Variants in TTC7B observed in about 807,000 individuals in gnomAD.
The protein encoded by TTC7B is tetratricopeptide repeat domain 7B.
In TTC7B, 28 loss-of-function variants were observed where a neutral mutation model predicts 106.8. The ratio of observed to expected loss-of-function variants is 0.26; its 90% CI spans 0.19 to 0.36. The LOEUF (loss-of-function observed/expected upper bound fraction) is 0.36. Ranked by LOEUF, TTC7B falls within the 10% of genes least tolerant of loss-of-function variation. TTC7B has a pLI of 1.00. For synonymous variants in TTC7B, 405 were observed against 430.6 expected, an observed-to-expected ratio of 0.94 and a Z score of 0.74; for missense variants, 862 against 1,076.4, an observed-to-expected ratio of 0.80 and a Z score of 2.79.
chr14:90,606,168 T>C (rs752470161), intron 17 of TTC7B, among the ~76,000 whole-genome samples: 8 of 152,248 alleles, frequency 5.3e-5, no homozygotes, highest in Admixed American at 3.3e-4. Flanking sequence ...TACAGTTTAC[T>C]TGAAAATAAG....
At position 90,780,698 on chromosome 14, in the gene TTC7B, C is replaced by T. The variant is rs781252368; in HGVS notation, c.445+40G>A. 7 of 1,591,526 alleles carry T rather than the reference C, an allele frequency of 4.4e-6. No homozygotes were observed. The South Asian group carries it at 4.5e-5, about 10-fold the overall frequency. ...CAGCTCCGAAGAGGCGCTGCTGGCT[C>T]CAGGTCACGGGACACTGTGTTAGAA... On this transcript the variant is annotated intron_variant, in intron 3 of 19. Coordinates refer to ENST00000328459, the MANE Select transcript of TTC7B (RefSeq NM_001010854.2).
intron 3 of TTC7B, among the ~76,000 whole-genome samples, chr14:90,777,299 T>C (rs1891064199): frequency 6.6e-6 from 1 of 152,162 alleles, no homozygotes; most frequent in African/African-American, 2.4e-5. Flanking sequence ...GCATCACACC[T>C]GGCACGCAGG....
intron 9 of TTC7B, among the ~76,000 whole-genome samples, chr14:90,659,094 G>A (rs542557064): frequency 1.2e-3 from 176 of 152,290 alleles, no homozygotes; most frequent in African/African-American, 4.1e-3. Flanking sequence ...CAGCAAGGAT[G>A]GGTCACCTGT....
At chr14:90,775,646 G>A (rs568761681) in intron 3 of TTC7B, among the ~76,000 whole-genome samples, 34 of 152,110 alleles carry the variant, frequency 2.2e-4, no homozygotes, top group Non-Finnish European at 3.8e-4. Context: ...TACTCAGCTT[G>A]ACGGAAAAAT....
intron 1 of TTC7B, among the ~76,000 whole-genome samples, chr14:90,799,006 C>A (rs1273070051): frequency 6.6e-6 from 1 of 152,146 alleles, no homozygotes; most frequent in Non-Finnish European, 1.5e-5. Flanking sequence ...ATTCTGGCCA[C>A]CCCAGAGGGG....
Position 90,525,399 on chromosome 14 carries a change from G to A in TTC7B, c.*15969C>T, listed in dbSNP as rs1470962719. On this transcript the variant is annotated 3_prime_UTR_variant, in exon 20 of 20. Transcript: ENST00000328459. ...TATAAACATTTGCGGAGAAGTCTTTGTATTTGAGGGGACTGCAGGGAGGCC... is the reference window on the plus strand; with the variant it reads ...TATAAACATTTGCGGAGAAGTCTTTATATTTGAGGGGACTGCAGGGAGGCC... 1 of 151,816 alleles carries A rather than the reference G, an allele frequency of 6.6e-6. No homozygotes were observed. Among genetic ancestry groups the A allele is most frequent in the Non-Finnish European group, 1.5e-5 (1 of 67,986 alleles). 9.4% of individuals were successfully genotyped at this position (151,816 alleles called of 1,614,324 possible).
chr14:90,580,804 T>C (rs1891456977), intron 18 of TTC7B, among the ~76,000 whole-genome samples: 1 of 152,152 alleles, frequency 6.6e-6, no homozygotes, highest in African/African-American at 2.4e-5. Context: ...CAGGTCCCTG[T>C]AAGTATTTTT....
intron 19 of TTC7B, among the ~76,000 whole-genome samples, chr14:90,555,679 G>A (rs1890271590): frequency 6.6e-6 from 1 of 152,182 alleles, no homozygotes; most frequent in Non-Finnish European, 1.5e-5. Context: ...GTGATTTTGC[G>A]AGTCAGGAAA....
intron 1 of TTC7B, among the ~76,000 whole-genome samples, chr14:90,791,984 G>A (rs527839566): frequency 2.0e-5 from 3 of 152,240 alleles, no homozygotes; most frequent in Admixed American, 6.5e-5. Context: ...CTCCTATCTG[G>A]AAACACCCCA....
Position 90,658,319 on chromosome 14 carries a change from C to T in TTC7B, c.1221G>A (p.Leu407=). Residue 407 remains leucine (L), a synonymous_variant, in exon 10 of 20, where the codon CTG becomes CTA. Transcript: ENST00000328459. ...AGGGACTCACTTTTCCAGCAGCCAT[C>T]AGGGACAGAGCAAACTGGTACCACA... ...FHLWYQFALS[L]MAAGKSARAV... is the part of the protein sequence containing the mutation. The T allele has an allele frequency of 6.2e-7, 1 of 1,613,996 alleles. No homozygotes were observed. Among genetic ancestry groups the T allele is most frequent in the Non-Finnish European group, 8.5e-7 (1 of 1,179,898 alleles).
At position 90,656,628 on chromosome 14, in the gene TTC7B, C is replaced by T. The variant is rs182029038; in HGVS notation, c.1341+546G>A. On this transcript the variant is annotated intron_variant, in intron 11 of 19. Coordinates refer to ENST00000328459, the MANE Select transcript of TTC7B (RefSeq NM_001010854.2). The stretch of plus-strand genomic sequence containing the variant: ...GCAACAGAGTAAGACCCTGTCTCTA[C>T]AAAAAAATTAAAAAATTAGCCGGGT... 6.4e-3 allele frequency among the ~76,000 whole-genome samples: 974 copies of T among 152,122 alleles called. 4 individuals are homozygous for T. Among genetic ancestry groups the T allele is most frequent in the Non-Finnish European group, 8.8e-3 (601 of 67,988 alleles).
At chr14:90,790,017 A>G (rs1891530269) in intron 1 of TTC7B, among the ~76,000 whole-genome samples, 1 of 152,162 alleles carries the variant, frequency 6.6e-6, no homozygotes, top group South Asian at 2.1e-4. Flanking sequence ...TTACACTCAC[A>G]GCACATGTCA....
At position 90,524,914 on chromosome 14, in the gene TTC7B, C is replaced by CA. The variant is rs921405801; in HGVS notation, c.*16453dup. 2 of 150,742 alleles carry CA rather than the reference C, an allele frequency of 1.3e-5. No homozygotes were observed. The highest frequency in any genetic ancestry group is 3.0e-5 in the Non-Finnish European group (2 of 67,662). The allele number at this position is 150,742 out of a possible 1,614,324, so 9.3% of individuals were successfully genotyped here. ...TAAAAAAAAAAAACAAACAAAAAAA[C>CA]AAAAAACAGCCTTATGAAGATGTGA... On this transcript the variant is annotated 3_prime_UTR_variant, in exon 20 of 20. Transcript: ENST00000328459.
intron 17 of TTC7B, chr14:90,605,814 C>A: frequency 8.5e-7 from 1 of 1,171,844 alleles, no homozygotes; most frequent in Non-Finnish European, 1.1e-6. Context: ...TTTAGAAACA[C>A]AAAGAAAAAA....
intron 5 of TTC7B, among the ~76,000 whole-genome samples, chr14:90,700,343 C>T (rs1226026919): frequency 6.6e-6 from 1 of 152,182 alleles, no homozygotes; most frequent in Non-Finnish European, 1.5e-5. Flanking sequence ...AGACCCAGGG[C>T]TGAGGCCAGC....
chr14:90,791,087 G>T (rs573729137), intron 1 of TTC7B, among the ~76,000 whole-genome samples: 1 of 152,270 alleles, frequency 6.6e-6, no homozygotes, highest in East Asian at 1.9e-4. Flanking sequence ...AAAGCCCTCA[G>T]CAATGGAAAA....
At chr14:90,649,391 C>T (rs1885617350) in intron 13 of TTC7B, among the ~76,000 whole-genome samples, 1 of 152,208 alleles carries the variant, frequency 6.6e-6, no homozygotes, top group Non-Finnish European at 1.5e-5. Context: ...ACTTCAGCAG[C>T]TAAGCTTCCT....
intron 16 of TTC7B, among the ~76,000 whole-genome samples, chr14:90,617,077 G>A (rs1340178595): frequency 6.6e-6 from 1 of 152,194 alleles, no homozygotes; most frequent in African/African-American, 2.4e-5. Context: ...GTGGAATGCT[G>A]GGGGTTGACC....
chr14:90,589,516 G>A (rs946230378), intron 18 of TTC7B, among the ~76,000 whole-genome samples: 1 of 152,188 alleles, frequency 6.6e-6, no homozygotes, highest in Admixed American at 6.5e-5. Context: ...ATGACAAGAA[G>A]ACAAAGTTTG....
Sources: allele counts gnomAD v4.1 joint callset (sites outside exome capture counted in the v4.1 genomes callset), GRCh38; gene constraint gnomAD v4.1.1; transcripts MANE v1.5; gene names NCBI Gene and HGNC (gene_info 2026-07-23, HGNC 2026-07-21).